The following PIGU variants were observed in gnomAD, a reference collection of about 807,000 sequenced individuals.
The protein encoded by PIGU is phosphatidylinositol glycan anchor biosynthesis class U.
PIGU carries 24 observed loss-of-function variants against 49.9 expected under a neutral mutation model. That is an observed-to-expected ratio of 0.48 (90% CI 0.35 to 0.68). PIGU has a LOEUF of 0.68. Ranked by LOEUF, PIGU falls within the 30% of genes least tolerant of loss-of-function variation. The pLI, the probability that PIGU is intolerant of heterozygous loss-of-function variation, is 0.01. For synonymous variants in PIGU, 220 were observed against 205.7 expected, an observed-to-expected ratio of 1.07 and a Z score of -0.59; for missense variants, 490 against 532.6, an observed-to-expected ratio of 0.92 and a Z score of 0.79.
chr20:34,632,980 G>A (rs565935224), intron 6 of PIGU, among the ~76,000 whole-genome samples: 1 of 149,262 alleles, frequency 6.7e-6, no homozygotes, highest in Admixed American at 6.7e-5. Context: ...AGCAACCAGG[G>A]AATAAAACAG....
intron 11 of PIGU, among the ~76,000 whole-genome samples, chr20:34,570,797 A>T (rs1982978945): frequency 6.6e-6 from 1 of 152,194 alleles, no homozygotes; most frequent in Non-Finnish European, 1.5e-5. Flanking sequence ...CTACTCTTTT[A>T]AAAAAGCTAA....
rs764130307 is a variant in PIGU at position 34,606,250 on chromosome 20, G to T, written c.627+9792C>A. 2.7e-5 allele frequency among the ~76,000 whole-genome samples: 3 copies of T among 111,908 alleles called. No individual in the cohort carries two copies. In the South Asian group the frequency reaches 8.6e-4, roughly 32 times the overall value. 73.4% of individuals were successfully genotyped at this position (111,908 alleles called of 152,430 possible). A position where few individuals can be genotyped will look rare whatever the true frequency, so the allele number is the denominator to read the frequency against. On this transcript the variant is annotated intron_variant, in intron 7 of 11. Coordinates refer to ENST00000217446, the MANE Select transcript of PIGU (RefSeq NM_080476.5). Reference sequence around the variant, plus strand: ...AGCCTAGGCGACAGAGTGAGACTCCGTCTCAAAAAAAAAAAAAAAAAAAAA... The same window carrying T: ...AGCCTAGGCGACAGAGTGAGACTCCTTCTCAAAAAAAAAAAAAAAAAAAAA...
At position 34,657,312 on chromosome 20, in the gene PIGU, C is replaced by T. The variant is rs1019002488; in HGVS notation, c.131-68G>A. On this transcript the variant is annotated intron_variant, in intron 1 of 11. Transcript: ENST00000217446. ...GCTACAGACCAAATTGTTAGATACCCCCACAACCAAAAAGGGCCTTAGCGT... is the reference window on the plus strand; with the variant it reads ...GCTACAGACCAAATTGTTAGATACCTCCACAACCAAAAAGGGCCTTAGCGT... 7 of 1,182,126 alleles carry T rather than the reference C, an allele frequency of 5.9e-6. No individual in the cohort carries two copies. In the African/African-American group the frequency reaches 7.7e-5, roughly 13 times the overall value. The allele number at this position is 1,182,126 out of a possible 1,614,324, so 73.2% of individuals were successfully genotyped here. A position where few individuals can be genotyped will look rare whatever the true frequency, so the allele number is the denominator to read the frequency against.
intron 11 of PIGU, among the ~76,000 whole-genome samples, chr20:34,566,378 C>T (rs1982769232): frequency 1.3e-5 from 2 of 152,202 alleles, no homozygotes; most frequent in Admixed American, 1.3e-4. Context: ...CCCCCAGGGA[C>T]GGCTCGGTCC....
rs936655908 is a variant in PIGU, at chr20:34,560,626, G to A, written c.*240C>T. On this transcript the variant is annotated 3_prime_UTR_variant, in exon 12 of 12. Coordinates refer to ENST00000217446, the MANE Select transcript of PIGU (RefSeq NM_080476.5). The stretch of plus-strand genomic sequence containing the variant: ...TGCCTCTTCTCCTTCCTGTCTGGGA[G>A]GGGGCTCCTTGGTGTGCAGAGCCAC... 4.5e-6 allele frequency: 2 copies of A among 441,260 alleles called. No individual in the cohort carries two copies. The highest frequency in any genetic ancestry group is 4.0e-6 in the Non-Finnish European group (1 of 250,248). The allele number at this position is 441,260 out of a possible 1,614,324, so 27.3% of individuals were successfully genotyped here. A position where few individuals can be genotyped will look rare whatever the true frequency, so the allele number is the denominator to read the frequency against.
At chr20:34,621,196 G>T (rs535398458) in intron 6 of PIGU, among the ~76,000 whole-genome samples, 1 of 152,096 alleles carries the variant, frequency 6.6e-6, no homozygotes, top group East Asian at 1.9e-4. Context: ...TGTGATAAAT[G>T]AACAAATGAA....
intron 1 of PIGU, among the ~76,000 whole-genome samples, chr20:34,666,619 T>C (rs1342859482): frequency 7.0e-6 from 1 of 142,948 alleles, no homozygotes; most frequent in Non-Finnish European, 1.5e-5. Context: ...AGCCTTAACC[T>C]CCCGGGCTCA....
At chr20:34,570,540 G>C (rs750168735) in intron 11 of PIGU, among the ~76,000 whole-genome samples, 1 of 151,892 alleles carries the variant, frequency 6.6e-6, no homozygotes. Flanking sequence ...TCAGCCTCCC[G>C]AATAGCTGGG....
intron 6 of PIGU, among the ~76,000 whole-genome samples, chr20:34,632,131 G>A (rs1985802297): frequency 6.6e-6 from 1 of 151,556 alleles, no homozygotes. Context: ...TTGAGCCACT[G>A]TGCCTGGCCA....
chr20:34,665,685 T>C (rs1987068924), intron 1 of PIGU, among the ~76,000 whole-genome samples: 3 of 152,082 alleles, frequency 2.0e-5, no homozygotes, highest in Admixed American at 6.6e-5. Flanking sequence ...GATAAACTTA[T>C]TACTATCCTT....
intron 7 of PIGU, among the ~76,000 whole-genome samples, chr20:34,610,893 A>G (rs984494315): frequency 6.6e-6 from 1 of 152,190 alleles, no homozygotes; most frequent in Non-Finnish European, 1.5e-5. Context: ...GGCCTCAGAA[A>G]TAATACCACA....
At chr20:34,638,086 C>G in intron 4 of PIGU, 101 bp from the exon 5 acceptor site, 1 of 1,440,244 alleles carries the variant, frequency 6.9e-7, no homozygotes, top group African/African-American at 1.4e-5. Context: ...CCCACATGGC[C>G]CTGCCTGGTC....
intron 11 of PIGU, among the ~76,000 whole-genome samples, chr20:34,564,094 C>T (rs1287982303): frequency 6.6e-6 from 1 of 152,118 alleles, no homozygotes; most frequent in African/African-American, 2.4e-5. Context: ...GCAGAAGACA[C>T]TGGGGAGATG....
chr20:34,615,571 G>A (rs759873116), intron 7 of PIGU, among the ~76,000 whole-genome samples: 13 of 152,166 alleles, frequency 8.5e-5, no homozygotes, highest in Non-Finnish European at 1.8e-4. Flanking sequence ...GTTGTCAACT[G>A]TGGTCCTTAA....
intron 10 of PIGU, among the ~76,000 whole-genome samples, chr20:34,579,683 A>ACCTGAACCTGCAGACTATGTG (rs1477850430): frequency 2.6e-5 from 4 of 152,176 alleles, no homozygotes; most frequent in African/African-American, 9.7e-5. Flanking sequence ...TCTTCAGACA[A>ACCTGAACCTGCAGACTATGTG]CCTGAACCTG....
intron 10 of PIGU, among the ~76,000 whole-genome samples, chr20:34,575,954 G>A (rs2146700517): frequency 6.6e-6 from 1 of 152,342 alleles, no homozygotes; most frequent in Admixed American, 6.5e-5. Flanking sequence ...AGCCAAACAG[G>A]AGTGTAGCAT....
intron 1 of PIGU, among the ~76,000 whole-genome samples, chr20:34,666,249 A>G (rs1396213711): frequency 1.3e-5 from 2 of 152,128 alleles, no homozygotes; most frequent in African/African-American, 2.4e-5. Flanking sequence ...CAAAGTGCCT[A>G]TTAGGGGGAA....
chr20:34,605,723 T>C (rs1984587060), intron 7 of PIGU, among the ~76,000 whole-genome samples: 1 of 152,224 alleles, frequency 6.6e-6, no homozygotes, highest in African/African-American at 2.4e-5. Flanking sequence ...TTTTTTATTA[T>C]AAATTTTTTC....
In PIGU at chr20:34,656,117, G is replaced by A. The variant is rs952818870; in HGVS notation, c.195+1063C>T. ...GCCTCCCAAGTAGCTGGGATTACAG[G>A]CACCTGCCACCATGCCCAGCTATTT... is the stretch of plus-strand genomic sequence containing the variant. On this transcript the variant is annotated intron_variant, in intron 2 of 11. Coordinates refer to ENST00000217446, the MANE Select transcript of PIGU (RefSeq NM_080476.5). Among the ~76,000 whole-genome samples, 6 of 113,686 alleles carry A rather than the reference G, an allele frequency of 5.3e-5. 1 individual carries two copies. The highest frequency in any genetic ancestry group is 9.2e-5 in the Non-Finnish European group (5 of 54,300). The allele number at this position is 113,686 out of a possible 152,430, so 74.6% of individuals were successfully genotyped here.
Sources: gnomAD v4.1 joint callset for allele counts (sites outside exome capture counted in the v4.1 genomes callset) on GRCh38, gnomAD v4.1.1 for gene constraint, MANE v1.5 for transcripts, NCBI Gene and HGNC (gene_info 2026-07-23, HGNC 2026-07-21) for gene names.